AMOTL2: variants seen among roughly 807,000 people sequenced by gnomAD.
AMOTL2 encodes angiomotin like 2.
In AMOTL2, 33 loss-of-function variants were observed where a neutral mutation model predicts 78.4. That is an observed-to-expected ratio of 0.42 (90% confidence interval 0.32 to 0.56). The LOEUF is 0.56. AMOTL2 is among the 20% of genes least tolerant of loss of function. The pLI is 0.12. For synonymous variants in AMOTL2, 422 were observed against 428.8 expected (o/e 0.98, Z 0.20); for missense variants, 983 against 1,030.1 (o/e 0.95, Z 0.63).
rs1231752589 is a variant in AMOTL2 at position 134,361,615 on chromosome 3, T to G, written c.1472A>C (p.Gln491Pro). The change falls in exon 6 of 10, where the codon CAG becomes CCG. Residue 491 changes from glutamine to proline, a missense_variant. Coordinates refer to ENST00000249883, the MANE Select transcript of AMOTL2 (RefSeq NM_016201.4). ...GGCTGCCTGCAGCTGCCCGAGCGCC[T>G]GCTGCAGCCGCTCCACTTTCTCCAC... ...AYVEKVERLQ[Q>P]ALGQLQAACE... 1 of 1,613,014 alleles carries G rather than the reference T, an allele frequency of 6.2e-7. No individual in the cohort carries two copies. The highest frequency in any genetic ancestry group is 1.7e-5 in the Admixed American group (1 of 60,020).
In AMOTL2 at chr3:134,357,480, A is replaced by C; in HGVS notation, c.*225T>G. The C allele has an allele frequency of 1.1e-5, 6 of 556,808 alleles. No individual in the cohort carries two copies. The highest frequency in any genetic ancestry group is 3.0e-5 in the East Asian group (1 of 33,524). 34.5% of individuals were successfully genotyped at this position (556,808 alleles called of 1,614,324 possible). On this transcript the variant is annotated 3_prime_UTR_variant, in exon 10 of 10. Coordinates refer to ENST00000249883, the MANE Select transcript of AMOTL2 (RefSeq NM_016201.4). The stretch of plus-strand genomic sequence containing the variant: ...CTCATTCTCCATAAGGCCCGGAGGA[A>C]TGTGGGCTAAGAAGCAGAGTCTTCT...
Position 134,360,245 on chromosome 3 carries a change from A to C in AMOTL2, c.1744T>G (p.Phe582Val). ...KYLEERAMRQ[F>V]AMDAAATAAA... ...GCCGTGGCAGCCGCATCCATGGCAAACTGCCTCATGGCACGTTCCTCCAAA... is the reference window on the plus strand; with the variant it reads ...GCCGTGGCAGCCGCATCCATGGCAACCTGCCTCATGGCACGTTCCTCCAAA... The change falls in exon 7 of 10, where the codon TTT becomes GTT. Residue 582 changes from phenylalanine to valine, a missense_variant. Transcript: ENST00000249883. 6.2e-7 allele frequency: 1 copy of C among 1,614,144 alleles called. No homozygotes were observed. Among genetic ancestry groups the C allele is most frequent in the Non-Finnish European group, 8.5e-7 (1 of 1,180,018 alleles).
intron 1 of AMOTL2, chr3:134,371,695 C>T (rs2017874586): frequency 1.2e-6 from 1 of 805,608 alleles, no homozygotes; most frequent in Non-Finnish European, 1.8e-6. Context: ...ATCTCTGAGC[C>T]TCAGTTTCTC....
At chr3:134,370,616 G>A in intron 2 of AMOTL2, 84 bp downstream of exon 2, 1 of 1,461,708 alleles carries the variant, frequency 6.8e-7, no homozygotes, top group South Asian at 1.6e-5. Flanking sequence ...TCTGACACAA[G>A]CTGTGATCTT....
chr3:134,371,833 A>C, intron 1 of AMOTL2: 1 of 256,210 alleles, frequency 3.9e-6, no homozygotes, highest in Non-Finnish European at 7.5e-6. Flanking sequence ...ATTCATGGAG[A>C]CTTACTATTC....
intron 6 of AMOTL2, among the ~76,000 whole-genome samples, chr3:134,360,657 T>C (rs2017316321): frequency 6.6e-6 from 1 of 152,162 alleles, no homozygotes; most frequent in Non-Finnish European, 1.5e-5. Flanking sequence ...AAGGGGGTGC[T>C]ATCAATAATT....
intron 8 of AMOTL2, among the ~76,000 whole-genome samples, chr3:134,358,937 G>A (rs749735708): frequency 6.6e-6 from 1 of 152,232 alleles, no homozygotes; most frequent in Non-Finnish European, 1.5e-5. Context: ...CTTCCTTATA[G>A]ATTAAATCTT....
Position 134,359,834 on chromosome 3 carries a change from C to G in AMOTL2, c.1883+272G>C, listed in dbSNP as rs536237757. 7.6e-3 allele frequency among the ~76,000 whole-genome samples: 1,152 copies of G among 152,332 alleles called. 13 individuals carry two copies. The highest frequency in any genetic ancestry group is 0.026 in the African/African-American group (1,102 of 41,588). ...ACAGCCCTCATCCTGGAGGGCGGCA[C>G]TCCGGAGAGGGGAGGCAGGGCCCAA... On this transcript the variant is annotated intron_variant, in intron 7 of 9. Coordinates refer to ENST00000249883, the MANE Select transcript of AMOTL2 (RefSeq NM_016201.4).
rs2017379501 is a variant in AMOTL2 at position 134,361,797 on chromosome 3, C to G, written c.1290G>C (p.Gln430His). The change falls in exon 6 of 10, where the codon CAG (glutamine) becomes CAC (histidine). Residue 430 changes from glutamine (Q) to histidine (H), a missense_variant. By Grantham distance (24) the Gln-to-His change is conservative (BLOSUM62 0). Transcript: ENST00000249883. ...VAKLLAQSYE[Q>H]QQEQEKLERE... is the part of the protein sequence containing the mutation. The stretch of plus-strand genomic sequence containing the variant: ...GCTCCAGCTTCTCTTGCTCCTGCTG[C>G]TGTTCGTAGCCTGTAGGGAGAAAGA... 6.4e-7 allele frequency: 1 copy of G among 1,554,492 alleles called. No homozygotes were observed.
chr3:134,374,348 G>T lies in AMOTL2; in HGVS notation c.-68C>A. The T allele has an allele frequency of 4.1e-6, 4 of 982,650 alleles. No homozygotes were observed. The South Asian group carries it at 1.4e-4, about 35-fold the overall frequency. 60.9% of individuals were successfully genotyped at this position (982,650 alleles called of 1,614,324 possible). A position where few individuals can be genotyped will look rare whatever the true frequency, so the allele number is the denominator to read the frequency against. ...GCCGAGCGGCCTTCCTTACCGCTGCGGCCCGAGGGTGCCCAGCGCAGTCAG... is the reference window on the plus strand; with the variant it reads ...GCCGAGCGGCCTTCCTTACCGCTGCTGCCCGAGGGTGCCCAGCGCAGTCAG... On this transcript the variant is annotated 5_prime_UTR_variant, in exon 1 of 10. Transcript: ENST00000249883.
intron 1 of AMOTL2, 176 bp downstream of exon 1, chr3:134,374,166 G>A (rs2017993985): frequency 2.2e-6 from 2 of 894,088 alleles, no homozygotes; most frequent in African/African-American, 1.8e-5. Flanking sequence ...CCTGGGCAGA[G>A]CGGCCCTTGC....
At chr3:134,364,953 C>T (rs575211691) in intron 5 of AMOTL2, among the ~76,000 whole-genome samples, 1 of 152,236 alleles carries the variant, frequency 6.6e-6, no homozygotes, top group Non-Finnish European at 1.5e-5. Flanking sequence ...GCTCAGGGCT[C>T]CCTTTGCCAC....
At chr3:134,360,743 G>A (rs1370718864) in intron 6 of AMOTL2, among the ~76,000 whole-genome samples, 1 of 152,208 alleles carries the variant, frequency 6.6e-6, no homozygotes, top group Non-Finnish European at 1.5e-5. Flanking sequence ...TCTGTGGCAA[G>A]GGTAGGTTTG....
intron 6 of AMOTL2, 55 bp from the exon 7 acceptor site, chr3:134,360,468 C>A (rs1576575068): frequency 1.3e-6 from 2 of 1,504,784 alleles, no homozygotes; most frequent in Non-Finnish European, 1.8e-6. Context: ...GGTGTGGCAG[C>A]CACTGGTCTT....
At chr3:134,374,225 C>G (rs560936570) in intron 1 of AMOTL2, 117 bp downstream of exon 1, 4 of 984,708 alleles carry the variant, frequency 4.1e-6, no homozygotes, top group Admixed American at 6.1e-5. Context: ...CGAGGACGCT[C>G]GATCCTCGAG....
At chr3:134,371,729 T>G in intron 1 of AMOTL2, 1 of 598,632 alleles carries the variant, frequency 1.7e-6, no homozygotes, top group Non-Finnish European at 2.7e-6. Context: ...CAAAGAATTC[T>G]GCTTGACTCA....
Position 134,366,368 on chromosome 3 carries a change from G to A in AMOTL2, c.1101C>T (p.Ser367=). 6.2e-7 allele frequency: 1 copy of A among 1,614,130 alleles called. No individual in the cohort carries two copies. The highest frequency in any genetic ancestry group is 8.5e-7 in the Non-Finnish European group (1 of 1,180,024). The change falls in exon 4 of 10, where the codon TCC becomes TCT. Residue 367 remains serine (S), a synonymous_variant. Coordinates refer to ENST00000249883, the MANE Select transcript of AMOTL2 (RefSeq NM_016201.4). ...TGGTCTTCTCCAGGGCCTCACGCTT[G>A]GAGGAGGCTCTGGTCAGGCTCTCAT... The part of the protein sequence containing the change: ...EAHESLTRAS[S]KREALEKTMR...
At chr3:134,369,062 GC>G (rs369320041) in intron 2 of AMOTL2, among the ~76,000 whole-genome samples, 78 of 152,230 alleles carry the variant, frequency 5.1e-4, no homozygotes, top group African/African-American at 1.8e-3. Flanking sequence ...GCAGCCTATG[GC>G]CCCCCTGCTC....
upstream of AMOTL2, chr3:134,375,062 T>C (rs2018039230): frequency 6.8e-7 from 1 of 1,463,800 alleles, no homozygotes; most frequent in Non-Finnish European, 9.0e-7. Flanking sequence ...CCCCCGCTGT[T>C]TTCACCCCCA....
Sources: allele counts gnomAD v4.1 joint callset (sites outside exome capture counted in the v4.1 genomes callset), GRCh38; gene constraint gnomAD v4.1.1; transcripts MANE v1.5; gene names NCBI Gene and HGNC (gene_info 2026-07-23, HGNC 2026-07-21).